Variants in SPG7 observed in about 807,000 individuals in gnomAD.
SPG7 encodes the protein SPG7 matrix AAA peptidase subunit, paraplegin.
Under a neutral mutation model 81.9 loss-of-function variants are expected in SPG7, and 103 were observed. The ratio of observed to expected loss-of-function variants is 1.26; its 90% CI spans 1.07 to 1.48. The LOEUF is 1.48. Ranked by LOEUF, SPG7 falls within the 40% of genes most tolerant of loss-of-function variation. SPG7 has a pLI of 0.00. For synonymous variants in SPG7, 534 were observed against 444.2 expected, an observed-to-expected ratio of 1.20 and a Z score of -2.54; for missense variants, 1,241 against 1,087.3, an observed-to-expected ratio of 1.14 and a Z score of -1.99.
chr16:89,533,349 A>G (rs1328163470), intron 9 of SPG7: 5 of 152,036 alleles, frequency 3.3e-5, no homozygotes, highest in Admixed American at 6.5e-5. Flanking sequence ...TTGTATTTTT[A>G]GTAGAGACGG....
chr16:89,553,983 G>A (rs730262), intron 15 of SPG7, 23 bp downstream of exon 15: 5 of 1,607,862 alleles, frequency 3.1e-6, no homozygotes, highest in Non-Finnish European at 3.4e-6. Context: ...TGGCCACACC[G>A]CTGCCCTCTG....
intron 12 of SPG7, chr16:89,550,139 A>G: frequency 2.8e-6 from 1 of 352,798 alleles, no homozygotes; most frequent in Non-Finnish European, 5.6e-6. Context: ...CCAGCCAGGG[A>G]GAGGCCGGGG....
At chr16:89,554,688 T>A (rs746335231) in intron 16 of SPG7, 125 bp downstream of exon 16, 10 of 708,070 alleles carry the variant, frequency 1.4e-5, no homozygotes, top group Non-Finnish European at 1.8e-5. Context: ...CTGACCGATG[T>A]GAATTCTACC....
At chr16:89,542,992 G>GGCT (rs1209411460) in intron 9 of SPG7, 1 of 134,750 alleles carries the variant, frequency 7.4e-6, no homozygotes, top group African/African-American at 2.8e-5. Context: ...CTGTCGCCCA[G>GGCT]GCTGGAGTGC....
In SPG7 at chr16:89,556,913, A is replaced by G. The variant is rs959252778; in HGVS notation, c.2208A>G (p.Glu736=). 1.2e-6 allele frequency: 2 copies of G among 1,614,014 alleles called. No individual in the cohort carries two copies. The highest frequency in any genetic ancestry group is 1.7e-6 in the Non-Finnish European group (2 of 1,179,966). The change falls in exon 17 of 17, where the codon GAA becomes GAG. Residue 736 remains glutamate (E), a synonymous_variant. Transcript: ENST00000645818. ...TGGCAAACGCCCTTCTGGAAAAGGA[A>G]GTGATAAACTATGAGGACATTGAGG... The part of the protein sequence containing the change: ...QALANALLEK[E]VINYEDIEAL...
At chr16:89,517,002 C>T (rs1204055735) in intron 3 of SPG7, 4 of 152,288 alleles carry the variant, frequency 2.6e-5, no homozygotes, top group Non-Finnish European at 4.4e-5. Context: ...GCTTCATCCT[C>T]ATGGCCTTCA....
intron 12 of SPG7, chr16:89,548,383 C>T: frequency 2.2e-6 from 1 of 455,752 alleles, no homozygotes; most frequent in Non-Finnish European, 3.9e-6. Context: ...ATAAAAAATG[C>T]CCCCCAAAAA....
intron 5 of SPG7, chr16:89,528,846 C>G (rs545716730): frequency 4.9e-4 from 78 of 160,088 alleles, no homozygotes; most frequent in Middle Eastern, 6.5e-3. Flanking sequence ...GAGTCTTGCT[C>G]TGTAGCTCAG....
chr16:89,534,629 T>C (rs1356713006), intron 9 of SPG7, among the ~76,000 whole-genome samples: 1 of 149,402 alleles, frequency 6.7e-6, no homozygotes, highest in South Asian at 2.4e-4. Context: ...TTAGCACACA[T>C]GCACAGCCCA....
At chr16:89,531,275 G>A (rs1282526135) in intron 7 of SPG7, 2 of 266,792 alleles carry the variant, frequency 7.5e-6, no homozygotes, top group Non-Finnish European at 1.5e-5. Context: ...TGTAGTCCTG[G>A]CACCTCGGGG....
At chr16:89,522,131 A>C (rs1005942565) in intron 3 of SPG7, 1 of 152,264 alleles carries the variant, frequency 6.6e-6, no homozygotes, top group Admixed American at 6.5e-5. Context: ...TGCCTTTGTG[A>C]ATATGAAATT....
intron 14 of SPG7, 132 bp downstream of exon 14, chr16:89,553,267 G>T (rs1333476856): frequency 7.9e-6 from 8 of 1,012,976 alleles, no homozygotes; most frequent in Non-Finnish European, 1.2e-5. Context: ...TTTTGTAAAA[G>T]ATAAGTTGTG....
At chr16:89,515,180 C>T (rs1465699966) in intron 3 of SPG7, among the ~76,000 whole-genome samples, 2 of 151,826 alleles carry the variant, frequency 1.3e-5, no homozygotes, top group Non-Finnish European at 2.9e-5. Context: ...TCGTGATCTG[C>T]GTGCCTCAGC....
In SPG7 at chr16:89,553,032, C is replaced by T. The variant is rs2058651499; in HGVS notation, c.1833C>T (p.Pro611=). The T allele has an allele frequency of 1.2e-6, 2 of 1,613,956 alleles. No homozygotes were observed. Among genetic ancestry groups the T allele is most frequent in the Admixed American group, 1.7e-5 (1 of 59,998 alleles). Residue 611 remains proline (P), a synonymous_variant, in exon 14 of 17, where the codon CCC becomes CCT. Transcript: ENST00000645818. The part of the protein sequence containing the change: ...NAALGFAQML[P]RDQHLFTKEQ... Reference sequence around the variant, plus strand: ...CCCTGGGCTTTGCTCAGATGCTCCCCAGAGACCAGCACCTCTTCACCAAGG... The same window carrying T: ...CCCTGGGCTTTGCTCAGATGCTCCCTAGAGACCAGCACCTCTTCACCAAGG...
intron 16 of SPG7, chr16:89,556,597 C>G: frequency 2.2e-6 from 1 of 451,564 alleles, no homozygotes. Flanking sequence ...TCCCTGTAGA[C>G]ACACACGTCT....
chr16:89,534,341 C>T (rs943892583), intron 9 of SPG7, among the ~76,000 whole-genome samples: 1 of 152,200 alleles, frequency 6.6e-6, no homozygotes, highest in Admixed American at 6.5e-5. Flanking sequence ...GATTTCCTTC[C>T]TCTTTGAGGC....
intron 3 of SPG7, among the ~76,000 whole-genome samples, chr16:89,514,930 T>G (rs902657845): frequency 2.8e-5 from 4 of 141,902 alleles, no homozygotes; most frequent in Admixed American, 7.4e-5. Context: ...GTGCCTGGCC[T>G]TGACCTTTTT....
At chr16:89,533,565 G>A (rs1054217619) in intron 9 of SPG7, 2 of 152,114 alleles carry the variant, frequency 1.3e-5, no homozygotes, top group Non-Finnish European at 2.9e-5. Flanking sequence ...ATAATTTTAG[G>A]TGTAATGAGT....
chr16:89,536,496 C>CGGGCA (rs1567918832), intron 9 of SPG7, among the ~76,000 whole-genome samples: 1 of 43,454 alleles, frequency 2.3e-5, no homozygotes, highest in Non-Finnish European at 5.0e-5. Context: ...TCAGGTGAGG[C>CGGGCA]AGGTGAGGTG....
Sources: allele counts gnomAD v4.1 joint callset (sites outside exome capture counted in the v4.1 genomes callset), GRCh38; gene constraint gnomAD v4.1.1; transcripts MANE v1.5; gene names NCBI Gene and HGNC (gene_info 2026-07-23, HGNC 2026-07-21).